The following CHCHD6 variants were observed in gnomAD, a reference collection of about 807,000 sequenced individuals.
CHCHD6 encodes the protein MICOS complex subunit MIC25.
Under a neutral mutation model 32.3 loss-of-function variants are expected in CHCHD6, and 28 were observed. The observed-to-expected ratio is 0.87, with a 90% CI of 0.64 to 1.19. CHCHD6 has a LOEUF of 1.19. CHCHD6 is among the 50% of genes most tolerant of loss of function. CHCHD6 has a pLI of 0.00. For missense variants in CHCHD6, 333 were observed against 307.0 expected (o/e 1.08, Z -0.63); for synonymous variants, 122 against 117.5 (o/e 1.04, Z -0.25).
intron 5 of CHCHD6, among the ~76,000 whole-genome samples, chr3:126,876,827 A>C (rs1239291194): frequency 6.6e-6 from 1 of 152,230 alleles, no homozygotes; most frequent in Non-Finnish European, 1.5e-5. Context: ...GAAGAAGAAA[A>C]AGAGTTATGA....
intron 5 of CHCHD6, among the ~76,000 whole-genome samples, chr3:126,864,188 C>T (rs1487806539): frequency 1.3e-5 from 2 of 150,622 alleles, no homozygotes; most frequent in East Asian, 4.0e-4. Flanking sequence ...CCACCTCCCC[C>T]TCCTCCACCA....
chr3:126,916,661 C>G (rs2078175741), intron 6 of CHCHD6, among the ~76,000 whole-genome samples: 2 of 152,210 alleles, frequency 1.3e-5, no homozygotes, highest in Admixed American at 1.3e-4. Context: ...CCTGCCCCCA[C>G]TGGTGGTCAG....
At chr3:126,773,602 CTTTTTTTTTTT>C (rs769256372) in intron 4 of CHCHD6, among the ~76,000 whole-genome samples, 7 of 89,948 alleles carry the variant, frequency 7.8e-5, no homozygotes, top group East Asian at 6.5e-4. Context: ...TTCTGCTTTT[CTTTTTTTTTTT>C]TTTTTTTTTT....
chr3:126,845,531 A>G (rs1016440293), intron 4 of CHCHD6, among the ~76,000 whole-genome samples: 1 of 152,004 alleles, frequency 6.6e-6, no homozygotes, highest in Non-Finnish European at 1.5e-5. Flanking sequence ...TTGGCCATAT[A>G]TTTTATTTCT....
At chr3:126,769,961 G>A (rs909403912) in intron 4 of CHCHD6, among the ~76,000 whole-genome samples, 4 of 152,032 alleles carry the variant, frequency 2.6e-5, no homozygotes, top group Admixed American at 1.3e-4. Context: ...TTTTGTATCC[G>A]TGAGCATAGA....
intron 5 of CHCHD6, among the ~76,000 whole-genome samples, chr3:126,908,549 A>G (rs1456686420): frequency 6.6e-6 from 1 of 152,098 alleles, no homozygotes; most frequent in African/African-American, 2.4e-5. Context: ...TCAACTTTAC[A>G]TTGAGGGCCT....
At chr3:126,862,657 A>C (rs1576513845) in intron 5 of CHCHD6, among the ~76,000 whole-genome samples, 3 of 72,882 alleles carry the variant, frequency 4.1e-5, no homozygotes, top group Admixed American at 1.4e-4. Context: ...CACCATCACC[A>C]CCTCCCCCTC....
Position 126,727,175 on chromosome 3 carries a change from C to G in CHCHD6, c.185C>G (p.Ala62Gly), listed in dbSNP as rs1935573064. 1 of 1,607,276 alleles carries G rather than the reference C, an allele frequency of 6.2e-7. No individual in the cohort carries two copies. The highest frequency in any genetic ancestry group is 1.3e-5 in the African/African-American group (1 of 74,750). The change falls in exon 2 of 8, where the codon GCC becomes GGC. Residue 62 changes from alanine (A) to glycine (G), a missense_variant. Transcript: ENST00000290913. Reference protein sequence around the residue: ...TFGLQDGNLRAPHKESTLPRS... With the variant: ...TFGLQDGNLRGPHKESTLPRS... ...GGCCTTCAAGATGGCAACTTGAGAG[C>G]CCCTCACAAAGGTATGGGGATTGTG...
intron 4 of CHCHD6, among the ~76,000 whole-genome samples, chr3:126,765,555 C>T (rs1010814291): frequency 9.2e-5 from 14 of 152,182 alleles, no homozygotes; most frequent in African/African-American, 2.9e-4. Context: ...GCCTGTGCGA[C>T]GCAGGATCCA....
chr3:126,839,371 T>C (rs1359943713), intron 4 of CHCHD6, among the ~76,000 whole-genome samples: 3 of 152,226 alleles, frequency 2.0e-5, no homozygotes, highest in African/African-American at 7.2e-5. Context: ...AGAACATACC[T>C]ATGCCAAGTT....
intron 4 of CHCHD6, among the ~76,000 whole-genome samples, chr3:126,778,388 C>T (rs1287163882): frequency 6.6e-6 from 1 of 152,218 alleles, no homozygotes; most frequent in Non-Finnish European, 1.5e-5. Context: ...TACATTCGCA[C>T]TAGCAATGTG....
At chr3:126,739,981 C>A (rs1936219478) in intron 4 of CHCHD6, among the ~76,000 whole-genome samples, 1 of 152,104 alleles carries the variant, frequency 6.6e-6, no homozygotes, top group South Asian at 2.1e-4. Context: ...GTGTTTATGC[C>A]CAGAAATGGC....
intron 5 of CHCHD6, among the ~76,000 whole-genome samples, chr3:126,862,453 T>TTCC (rs1941956821): frequency 9.8e-6 from 1 of 102,124 alleles, no homozygotes; most frequent in Non-Finnish European, 2.0e-5. Flanking sequence ...CATCACCACC[T>TTCC]CCTCCTCCAC....
chr3:126,779,229 T>C (rs1258666590), intron 4 of CHCHD6, among the ~76,000 whole-genome samples: 2 of 152,168 alleles, frequency 1.3e-5, no homozygotes, highest in Non-Finnish European at 2.9e-5. Flanking sequence ...CTTACACCTA[T>C]GATTCTTCTA....
intron 4 of CHCHD6, among the ~76,000 whole-genome samples, chr3:126,789,646 A>T (rs1474786240): frequency 6.6e-6 from 1 of 152,048 alleles, no homozygotes; most frequent in Non-Finnish European, 1.5e-5. Flanking sequence ...TAGGATTGTA[A>T]TCCCTGCCTT....
chr3:126,767,028 C>A, intron 4 of CHCHD6: 1 of 894,252 alleles, frequency 1.1e-6, no homozygotes, highest in Non-Finnish European at 1.9e-6. Flanking sequence ...GCAGGATCTG[C>A]CTCAATGAAG....
At chr3:126,828,536 G>A (rs1196653248) in intron 4 of CHCHD6, among the ~76,000 whole-genome samples, 2 of 152,194 alleles carry the variant, frequency 1.3e-5, no homozygotes, top group Non-Finnish European at 2.9e-5. Context: ...CTGAAATCTG[G>A]GAAGCAGGGC....
intron 2 of CHCHD6, 85 bp downstream of exon 2, chr3:126,727,271 A>G (rs2107656826): frequency 1.1e-6 from 1 of 932,136 alleles, no homozygotes; most frequent in Non-Finnish European, 1.7e-6. Context: ...CTGATGGCGC[A>G]CAGGGCTCAG....
intron 4 of CHCHD6, chr3:126,767,381 C>T: frequency 1.3e-6 from 1 of 774,666 alleles, no homozygotes; most frequent in Admixed American, 1.7e-5. Context: ...CACTTCGTGG[C>T]TGAGGCCCTC....
Sources: allele counts gnomAD v4.1 joint callset (sites outside exome capture counted in the v4.1 genomes callset), GRCh38; gene constraint gnomAD v4.1.1; transcripts MANE v1.5; gene names NCBI Gene and HGNC (gene_info 2026-07-23, HGNC 2026-07-21).